The following KCNIP1 variants were observed in gnomAD, a reference collection of about 807,000 sequenced individuals.
KCNIP1 encodes the protein potassium voltage-gated channel interacting protein 1.
A neutral mutation model predicts 33.0 loss-of-function variants in KCNIP1; 18 were observed. The ratio of observed to expected loss-of-function variants is 0.55; its 90% CI spans 0.38 to 0.81. The LOEUF (loss-of-function observed/expected upper bound fraction) is 0.81, where lower values mean the gene tolerates loss of function less well. KCNIP1 is among the 30% of genes least tolerant of loss of function. The pLI is 0.00. For synonymous variants in KCNIP1, 93 were observed against 98.3 expected (o/e 0.95, Z 0.32); for missense variants, 238 against 271.6 (o/e 0.88, Z 0.87).
chr5:170,665,198 T>C (rs538382106), intron 1 of KCNIP1, among the ~76,000 whole-genome samples: 111 of 152,196 alleles, frequency 7.3e-4, no homozygotes, highest in Non-Finnish European at 1.2e-3. Flanking sequence ...TATTGATCAG[T>C]GTTAATCATT....
intron 1 of KCNIP1, among the ~76,000 whole-genome samples, chr5:170,553,009 C>T (rs1581315886): frequency 6.6e-6 from 1 of 152,356 alleles, no homozygotes; most frequent in East Asian, 1.9e-4. Context: ...GCTTGATATG[C>T]AGGGAATTCC....
At chr5:170,383,788 A>G in intron 1 of KCNIP1, 2 of 1,614,034 alleles carry the variant, frequency 1.2e-6, no homozygotes, top group South Asian at 2.2e-5. Context: ...CTTGCCCTTC[A>G]GCTCCTCCTG....
intron 5 of KCNIP1, among the ~76,000 whole-genome samples, chr5:170,726,536 G>T (rs1021564944): frequency 5.3e-5 from 8 of 152,086 alleles, no homozygotes; most frequent in African/African-American, 1.9e-4. Flanking sequence ...AAATGTAAAT[G>T]GTACAAACAC....
intron 1 of KCNIP1, among the ~76,000 whole-genome samples, chr5:170,620,775 G>C (rs1380092149): frequency 6.6e-6 from 1 of 152,182 alleles, no homozygotes; most frequent in Non-Finnish European, 1.5e-5. Context: ...AGATTTTTGT[G>C]AGCCGATTTA....
rs558118264 is a variant in KCNIP1, at chr5:170,367,964, G to A, written c.88+14000G>A. Among the ~76,000 whole-genome samples the A allele has an allele frequency of 4.6e-5, 7 of 152,318 alleles. No individual in the cohort carries two copies. In the South Asian group the frequency reaches 1.2e-3, roughly 27 times the overall value. ...TATTTATAACAGTGAAAAACTGGAGGCAATCTAAGTGTCAATGGAAAAAAT... is the reference window on the plus strand; with the variant it reads ...TATTTATAACAGTGAAAAACTGGAGACAATCTAAGTGTCAATGGAAAAAAT... On this transcript the variant is annotated intron_variant, in intron 1 of 7. Coordinates refer to the KCNIP1 transcript ENST00000377360.
intron 1 of KCNIP1, among the ~76,000 whole-genome samples, chr5:170,672,538 TA>T (rs1158972318): frequency 2.6e-5 from 4 of 152,202 alleles, no homozygotes; most frequent in Non-Finnish European, 5.9e-5. Flanking sequence ...TGGAGAATTT[TA>T]AAAAAATATA....
At chr5:170,428,592 G>C (rs1469068151) in intron 1 of KCNIP1, among the ~76,000 whole-genome samples, 5 of 152,098 alleles carry the variant, frequency 3.3e-5, no homozygotes, top group Non-Finnish European at 7.4e-5. Flanking sequence ...GGCTCTGGGC[G>C]GTTTCTGGGA....
At chr5:170,388,835 T>C (rs1764591638) in intron 1 of KCNIP1, among the ~76,000 whole-genome samples, 1 of 152,242 alleles carries the variant, frequency 6.6e-6, no homozygotes, top group African/African-American at 2.4e-5. Context: ...ATCAGACATG[T>C]ATCATAGCAC....
intron 1 of KCNIP1, among the ~76,000 whole-genome samples, chr5:170,460,748 A>AACAAG (rs74198662): frequency 0.25 from 38,248 of 151,772 alleles, 5,028 homozygotes; most frequent in African/African-American, 0.34. Context: ...TGAGAACTGG[A>AACAAG]ACAAAGATGC....
At chr5:170,580,208 T>G (rs1757740011) in intron 1 of KCNIP1, among the ~76,000 whole-genome samples, 1 of 152,176 alleles carries the variant, frequency 6.6e-6, no homozygotes, top group Non-Finnish European at 1.5e-5. Flanking sequence ...ATCATTTATC[T>G]TCAAAGGATA....
At chr5:170,355,433 G>T (rs1763321155) in intron 1 of KCNIP1, among the ~76,000 whole-genome samples, 1 of 152,182 alleles carries the variant, frequency 6.6e-6, no homozygotes, top group African/African-American at 2.4e-5. Flanking sequence ...GACCTAAGAG[G>T]GTAATGGGTG....
At chr5:170,675,557 G>A (rs1762101266) in intron 1 of KCNIP1, among the ~76,000 whole-genome samples, 1 of 152,090 alleles carries the variant, frequency 6.6e-6, no homozygotes, top group South Asian at 2.1e-4. Flanking sequence ...GGAGGCGGAG[G>A]TTGCAGTGAG....
chr5:170,390,517 A>AAAAAAAAAAAAAAAAAATATATAT, intron 1 of KCNIP1, among the ~76,000 whole-genome samples: 12 of 74,528 alleles, frequency 1.6e-4, no homozygotes, highest in Non-Finnish European at 2.2e-4. Flanking sequence ...AAAAAAAACA[A>AAAAAAAAAAAAAAAAAATATATAT]ATATATATAT....
chr5:170,662,222 G>A (rs977508923), intron 1 of KCNIP1, among the ~76,000 whole-genome samples: 2 of 152,106 alleles, frequency 1.3e-5, no homozygotes, highest in Admixed American at 1.3e-4. Context: ...AGTTTATTTG[G>A]GGTAAGCTCA....
intron 1 of KCNIP1, among the ~76,000 whole-genome samples, chr5:170,716,018 T>C (rs1179329574): frequency 6.6e-6 from 1 of 152,090 alleles, no homozygotes; most frequent in African/African-American, 2.4e-5. Flanking sequence ...AGGAGGGTGG[T>C]GAAAACCGCT....
At chr5:170,701,025 A>T (rs989756651) in intron 1 of KCNIP1, among the ~76,000 whole-genome samples, 3 of 152,196 alleles carry the variant, frequency 2.0e-5, no homozygotes, top group Non-Finnish European at 4.4e-5. Context: ...CACAACCATT[A>T]TCCCACTCAA....
intron 1 of KCNIP1, among the ~76,000 whole-genome samples, chr5:170,408,605 T>C (rs1755099168): frequency 6.6e-6 from 1 of 152,186 alleles, no homozygotes; most frequent in Non-Finnish European, 1.5e-5. Context: ...TGCATTCCTA[T>C]CCTTCTCGGG....
At chr5:170,526,866 G>C (rs532256141) in intron 1 of KCNIP1, among the ~76,000 whole-genome samples, 1 of 152,022 alleles carries the variant, frequency 6.6e-6, no homozygotes, top group Admixed American at 6.6e-5. Flanking sequence ...GGGATTACAG[G>C]TGCCTGCCAC....
At chr5:170,540,532 G>T (rs1461343905) in intron 1 of KCNIP1, among the ~76,000 whole-genome samples, 1 of 152,138 alleles carries the variant, frequency 6.6e-6, no homozygotes, top group African/African-American at 2.4e-5. Context: ...GTAACAGGTG[G>T]AAATTCACAA....
Sources: gnomAD v4.1 joint callset for allele counts (sites outside exome capture counted in the v4.1 genomes callset) on GRCh38, gnomAD v4.1.1 for gene constraint, MANE v1.5 for transcripts, NCBI Gene and HGNC (gene_info 2026-07-23, HGNC 2026-07-21) for gene names.